The following MDN1 variants were observed in gnomAD, a reference collection of about 807,000 sequenced individuals.
The protein encoded by MDN1 is midasin AAA ATPase 1, also known as midasin.
MDN1 carries 266 observed loss-of-function variants against 669.2 expected under a neutral mutation model. The observed-to-expected ratio is 0.40, with a 90% CI of 0.36 to 0.44. The LOEUF (loss-of-function observed/expected upper bound fraction) is 0.44. MDN1 is among the 20% of genes least tolerant of loss of function. The pLI, the probability that MDN1 is intolerant of heterozygous loss-of-function variation, is 1.00. For synonymous variants in MDN1, 2,385 were observed against 2,457.1 expected, an observed-to-expected ratio of 0.97 and a Z score of 0.87; for missense variants, 5,940 against 6,754.0, an observed-to-expected ratio of 0.88 and a Z score of 4.22.
At position 89,756,419 on chromosome 6, in the gene MDN1, T is replaced by C. The variant is rs757270678; in HGVS notation, c.2703-29A>G. 3 of 1,112,032 alleles carry C rather than the reference T, an allele frequency of 2.7e-6. No homozygotes were observed. In the Admixed American group the frequency reaches 6.7e-5, roughly 25 times the overall value. The allele number at this position is 1,112,032 out of a possible 1,614,324, so 68.9% of individuals were successfully genotyped here. ...TAAAACAATACATAATAAACACTTT[T>C]TAGGAAGTTAATATAACTATGTTGA... On this transcript the variant is annotated intron_variant, in intron 19 of 101. Transcript: ENST00000369393.
In MDN1 at chr6:89,714,607, C is replaced by G. The variant is rs772589909; in HGVS notation, c.7005G>C (p.Leu2335Phe). Residue 2335 changes from leucine (L) to phenylalanine (F), a missense_variant, in exon 46 of 102, where the codon TTG becomes TTC. By Grantham distance (22) the Leu-to-Phe change is conservative. Coordinates refer to ENST00000369393, the MANE Select transcript of MDN1 (RefSeq NM_014611.3). The part of the protein sequence containing the change: ...DLKVLLHSLG[L>F]VGNSVCDILL... ...GGATGTCACATACACTGTTCCCCAC[C>G]AATCCAAGGCTGTGCAGCAGAACTT... 5.6e-6 allele frequency: 9 copies of G among 1,614,090 alleles called. No individual in the cohort carries two copies. In the South Asian group the frequency reaches 8.8e-5, roughly 16 times the overall value.
At chr6:89,737,505 T>C (rs981166048) in intron 33 of MDN1, among the ~76,000 whole-genome samples, 66 of 152,206 alleles carry the variant, frequency 4.3e-4, no homozygotes, top group African/African-American at 1.6e-3. Flanking sequence ...TAAATATGCA[T>C]ACATCAAACC....
chr6:89,691,730 CAG>C (rs1233907639), intron 63 of MDN1, among the ~76,000 whole-genome samples: 1 of 152,058 alleles, frequency 6.6e-6, no homozygotes, highest in Non-Finnish European at 1.5e-5. Context: ...TAAAAGCAAA[CAG>C]AGTTATCAAA....
intron 26 of MDN1, 109 bp from the exon 27 acceptor site, chr6:89,747,579 A>T (rs552988929): frequency 8.2e-7 from 1 of 1,221,346 alleles, no homozygotes; most frequent in Non-Finnish European, 1.1e-6. Flanking sequence ...CATTTAAATG[A>T]TTTCATTCCA....
At chr6:89,674,057 T>A in intron 79 of MDN1, 47 bp downstream of exon 79, 1 of 1,454,498 alleles carries the variant, frequency 6.9e-7, no homozygotes, top group Non-Finnish European at 9.2e-7. Flanking sequence ...ATAAGCACAA[T>A]AAGGACCTAA....
intron 15 of MDN1, among the ~76,000 whole-genome samples, chr6:89,766,280 C>G (rs940057873): frequency 8.7e-5 from 13 of 149,530 alleles, no homozygotes; most frequent in African/African-American, 3.0e-4. Context: ...GCCTGGGCGA[C>G]AGAGTTAGAC....
chr6:89,740,972 C>T (rs1816265898), intron 31 of MDN1, among the ~76,000 whole-genome samples: 2 of 152,266 alleles, frequency 1.3e-5, no homozygotes, highest in African/African-American at 4.8e-5. Context: ...TGACTCTCGC[C>T]TGTAATCCCA....
At position 89,685,932 on chromosome 6, in the gene MDN1, G is replaced by A; in HGVS notation, c.11614C>T (p.Gln3872Ter). Residue 3872 changes from glutamine to a stop codon, truncating the protein, a stop_gained, in exon 70 of 102, where the codon CAA becomes TAA. Transcript: ENST00000369393. LOFTEE classifies it high-confidence loss of function. The stretch of plus-strand genomic sequence containing the variant: ...AGCGAGGATCCTTCAATAAATGCTT[G>A]TAATGTGCTGACCAGCAACATCAAG... ...MTLMLLVSTL[Q>*]AFIEGSSLGE... 1 of 1,614,070 alleles carries A rather than the reference G, an allele frequency of 6.2e-7. No individual in the cohort carries two copies. The highest frequency in any genetic ancestry group is 8.5e-7 in the Non-Finnish European group (1 of 1,179,998).
chr6:89,675,436 G>A lies in MDN1; in HGVS notation c.12761+28C>T, dbSNP rs1262726646. The A allele has an allele frequency of 1.9e-6, 3 of 1,586,458 alleles. No individual in the cohort carries two copies. In the African/African-American group the frequency reaches 4.0e-5, roughly 21 times the overall value. On this transcript the variant is annotated intron_variant, in intron 78 of 101. Transcript: ENST00000369393. Reference sequence around the variant, plus strand: ...TTGGATCTAATTCTTCCCAATTCATGCCACAAGCCCAACTCATCAGCTGAT... The same window carrying A: ...TTGGATCTAATTCTTCCCAATTCATACCACAAGCCCAACTCATCAGCTGAT...
At chr6:89,735,370 C>CTTTTTT (rs775653908) in intron 33 of MDN1, among the ~76,000 whole-genome samples, 1 of 122,518 alleles carries the variant, frequency 8.2e-6, no homozygotes, top group African/African-American at 3.0e-5. Flanking sequence ...ATCACAGAAC[C>CTTTTTT]TTTTTTTTTT....
chr6:89,726,482 G>GAAAA (rs201576721), intron 37 of MDN1, among the ~76,000 whole-genome samples: 1 of 90,954 alleles, frequency 1.1e-5, no homozygotes, highest in Non-Finnish European at 2.3e-5. Context: ...AAGAAAAATA[G>GAAAA]AAAAAAAAAA....
In MDN1 at chr6:89,758,797, C is replaced by T; in HGVS notation, c.2605+19G>A. 6.2e-7 allele frequency: 1 copy of T among 1,613,604 alleles called. No individual in the cohort carries two copies. Among genetic ancestry groups the T allele is most frequent in the Non-Finnish European group, 8.5e-7 (1 of 1,179,780 alleles). On this transcript the variant is annotated intron_variant, in intron 18 of 101. Coordinates refer to ENST00000369393, the MANE Select transcript of MDN1 (RefSeq NM_014611.3). ...CAGGGCTTGACACCAAGTCAAATCC[C>T]AAGGGATTCAAGTGCTACCTGTGTC...
At chr6:89,763,419 ATTCT>A (rs1200853035) in intron 15 of MDN1, among the ~76,000 whole-genome samples, 2 of 151,608 alleles carry the variant, frequency 1.3e-5, no homozygotes, top group Non-Finnish European at 2.9e-5. Flanking sequence ...TAGTATTTAG[ATTCT>A]TTGTTATTCC....
chr6:89,687,475 T>G (rs1377656033), intron 67 of MDN1, 37 bp from the exon 68 acceptor site: 1 of 1,567,014 alleles, frequency 6.4e-7, no homozygotes, highest in Admixed American at 1.7e-5. Context: ...ACAGATATTA[T>G]TCAATGCCAT....
chr6:89,784,948 T>G (rs1026378410), intron 9 of MDN1, 64 bp downstream of exon 9: 2 of 1,066,694 alleles, frequency 1.9e-6, no homozygotes, highest in African/African-American at 3.1e-5. Context: ...TATTATACTA[T>G]TTCCTATTTC....
At chr6:89,665,923 C>T (rs1383921030) in intron 84 of MDN1, among the ~76,000 whole-genome samples, 1 of 152,092 alleles carries the variant, frequency 6.6e-6, no homozygotes, top group Non-Finnish European at 1.5e-5. Flanking sequence ...GCCTGTAATC[C>T]CAGCTACCTG....
intron 40 of MDN1, among the ~76,000 whole-genome samples, chr6:89,720,091 A>G (rs948806430): frequency 6.6e-6 from 1 of 151,738 alleles, no homozygotes; most frequent in East Asian, 1.9e-4. Flanking sequence ...ATAATTGAAT[A>G]CTACAATGAA....
At chr6:89,704,310 G>A (rs1813381093) in intron 53 of MDN1, among the ~76,000 whole-genome samples, 1 of 152,190 alleles carries the variant, frequency 6.6e-6, no homozygotes, top group Admixed American at 6.5e-5. Context: ...CAACCTAGGA[G>A]GCGGAGGTTG....
At chr6:89,676,500 AATAAC>A (rs1811200450) in intron 76 of MDN1, among the ~76,000 whole-genome samples, 1 of 152,140 alleles carries the variant, frequency 6.6e-6, no homozygotes, top group African/African-American at 2.4e-5. Context: ...GGGCCAGGCA[AATAAC>A]ATAAGAGGAC....
Sources: gnomAD v4.1 joint callset for allele counts (sites outside exome capture counted in the v4.1 genomes callset) on GRCh38, gnomAD v4.1.1 for gene constraint, MANE v1.5 for transcripts, NCBI Gene and HGNC (gene_info 2026-07-23, HGNC 2026-07-21) for gene names.